SPDYE10: variants seen among roughly 807,000 people sequenced by gnomAD.
SPDYE10 encodes the protein speedy/RINGO cell cycle regulator family member E10, also known as speedy protein E10.
chr7:73,115,404 C>T, the SPDYE10 span, among the ~76,000 whole-genome samples: 1 of 151,908 alleles, frequency 6.6e-6, no homozygotes, highest in East Asian at 1.9e-4. Flanking sequence ...GTTCTCCACT[C>T]CCCTGGCCCT....
the SPDYE10 span, among the ~76,000 whole-genome samples, chr7:73,123,867 C>T: frequency 1.4e-5 from 2 of 147,148 alleles, no homozygotes; most frequent in African/African-American, 5.0e-5. Flanking sequence ...TTACTACAAC[C>T]TCTGCCTCAA....
the SPDYE10 span, among the ~76,000 whole-genome samples, chr7:73,125,298 GTCC>G: frequency 6.7e-6 from 1 of 150,294 alleles, no homozygotes; most frequent in Non-Finnish European, 1.5e-5. Flanking sequence ...ACCTCCTCCT[GTCC>G]TCTACTCCAC....
the SPDYE10 span, chr7:73,154,962 C>A: frequency 6.7e-6 from 1 of 150,018 alleles, no homozygotes; most frequent in Admixed American, 6.6e-5. Flanking sequence ...GCTCCCCCCG[C>A]GCCGGGCGCC....
At chr7:73,127,425 G>A in the SPDYE10 span, among the ~76,000 whole-genome samples, 1 of 119,698 alleles carries the variant, frequency 8.4e-6, no homozygotes, top group Non-Finnish European at 1.8e-5. Flanking sequence ...CAGGCATGGT[G>A]GTGTGCGCTT....
the SPDYE10 span, among the ~76,000 whole-genome samples, chr7:73,115,038 A>G: frequency 6.3e-4 from 96 of 151,854 alleles, no homozygotes; most frequent in Non-Finnish European, 2.9e-4. Flanking sequence ...CTGGGATTAC[A>G]GGCACCCACC....
At chr7:73,146,996 T>TA in the SPDYE10 span, among the ~76,000 whole-genome samples, 1 of 41,712 alleles carries the variant, frequency 2.4e-5, no homozygotes, top group Non-Finnish European at 4.2e-5. Context: ...TTAGAGTTCA[T>TA]AGATTTACAT....
At chr7:73,126,462 G>A in the SPDYE10 span, among the ~76,000 whole-genome samples, 1 of 117,244 alleles carries the variant, frequency 8.5e-6, no homozygotes, top group Non-Finnish European at 1.7e-5. Flanking sequence ...AGCCAATATT[G>A]TGCCACTGCA....
chr7:73,155,091 G>A, the SPDYE10 span: 1 of 142,706 alleles, frequency 7.0e-6, no homozygotes, highest in Non-Finnish European at 1.5e-5. Context: ...GGCCCGGCCC[G>A]GCCGCCGCCG....
At chr7:73,147,293 T>G in the SPDYE10 span, among the ~76,000 whole-genome samples, 1 of 87,150 alleles carries the variant, frequency 1.1e-5, no homozygotes, top group Non-Finnish European at 2.2e-5. Flanking sequence ...TCAGCCTCCC[T>G]AGTAGCTGGG....
chr7:73,128,383 ACAT>A, the SPDYE10 span, among the ~76,000 whole-genome samples: 4 of 143,568 alleles, frequency 2.8e-5, no homozygotes, highest in African/African-American at 1.1e-4. Context: ...CTTTAGGTAG[ACAT>A]CATCACAATC....
chr7:73,135,064 C>T, the SPDYE10 span, among the ~76,000 whole-genome samples: 7 of 152,404 alleles, frequency 4.6e-5, no homozygotes, highest in African/African-American at 1.7e-4. Flanking sequence ...CACCATGGTG[C>T]CTAGTGTTCC....
the SPDYE10 span, among the ~76,000 whole-genome samples, chr7:73,116,722 C>T: frequency 6.7e-6 from 1 of 150,314 alleles, no homozygotes; most frequent in Non-Finnish European, 1.5e-5. Flanking sequence ...TAGCTGGGAC[C>T]ACAGGCATGT....
chr7:73,149,824 G>A, the SPDYE10 span, among the ~76,000 whole-genome samples: 1 of 119,950 alleles, frequency 8.3e-6, no homozygotes, highest in African/African-American at 3.6e-5. Context: ...ACAGCGTGAT[G>A]GTCTCAGGGC....
the SPDYE10 span, among the ~76,000 whole-genome samples, chr7:73,113,812 G>C: frequency 6.6e-6 from 1 of 151,942 alleles, no homozygotes; most frequent in African/African-American, 2.4e-5. Flanking sequence ...AAGGAGGGTG[G>C]ATCACGAGAT....
At chr7:73,123,819 C>G in the SPDYE10 span, among the ~76,000 whole-genome samples, 3 of 151,556 alleles carry the variant, frequency 2.0e-5, no homozygotes, top group Non-Finnish European at 4.4e-5. Context: ...CTCTCTCTCT[C>G]TCTCTCTCTG....
At chr7:73,146,886 G>GT in the SPDYE10 span, among the ~76,000 whole-genome samples, 1 of 88,436 alleles carries the variant, frequency 1.1e-5, no homozygotes, top group Non-Finnish European at 2.2e-5. Context: ...ATACTTTGAA[G>GT]TTTTTTCATA....
the SPDYE10 span, among the ~76,000 whole-genome samples, chr7:73,114,313 ACC>A: frequency 7.5e-6 from 1 of 133,366 alleles, no homozygotes; most frequent in Non-Finnish European, 1.6e-5. Flanking sequence ...CTGCACACAC[ACC>A]TCTCTAGAAC....
chr7:73,121,338 GC>G, the SPDYE10 span, among the ~76,000 whole-genome samples: 2 of 89,636 alleles, frequency 2.2e-5, no homozygotes, highest in Non-Finnish European at 4.2e-5. Context: ...ACAGTGGCAA[GC>G]CTCATAGCTC....
chr7:73,142,854 A>G, the SPDYE10 span, among the ~76,000 whole-genome samples: 6 of 151,588 alleles, frequency 4.0e-5, no homozygotes, highest in African/African-American at 1.5e-4. Flanking sequence ...AATCACTTGA[A>G]TCTAGGAGGC....
Sources: gnomAD v4.1 joint callset for allele counts (sites outside exome capture counted in the v4.1 genomes callset) on GRCh38, gnomAD v4.1.1 for gene constraint, MANE v1.5 for transcripts, NCBI Gene and HGNC (gene_info 2026-07-23, HGNC 2026-07-21) for gene names.